GPR158: variants seen among roughly 807,000 people sequenced by gnomAD.
GPR158 encodes G protein-coupled receptor 158.
Under a neutral mutation model 78.2 loss-of-function variants are expected in GPR158, and 30 were observed. That is an observed-to-expected ratio of 0.38 (90% CI 0.29 to 0.52). The LOEUF (loss-of-function observed/expected upper bound fraction) is 0.52. Ranked by LOEUF, GPR158 falls within the 20% of genes least tolerant of loss-of-function variation. The probability of loss-of-function intolerance (pLI) is 0.83; values close to 1 mark genes in which losing one functional copy is unlikely to be tolerated. For missense variants in GPR158, 1,463 were observed against 1,523.5 expected (o/e 0.96, Z 0.66); for synonymous variants, 581 against 591.1 (o/e 0.98, Z 0.25).
chr10:25,419,889 CTGT>C (rs1447735186), intron 4 of GPR158, among the ~76,000 whole-genome samples: 1 of 152,118 alleles, frequency 6.6e-6, no homozygotes, highest in African/African-American at 2.4e-5. Context: ...GTTGTACATT[CTGT>C]GACTTTGGAC....
intron 4 of GPR158, among the ~76,000 whole-genome samples, chr10:25,448,494 G>T (rs1835170631): frequency 6.6e-6 from 1 of 152,122 alleles, no homozygotes; most frequent in Non-Finnish European, 1.5e-5. Flanking sequence ...TGAATGTTAT[G>T]TAATTTGTGC....
chr10:25,379,344 A>G (rs1042453608), intron 2 of GPR158, among the ~76,000 whole-genome samples: 1 of 152,170 alleles, frequency 6.6e-6, no homozygotes, highest in African/African-American at 2.4e-5. Flanking sequence ...CCTATCTCTG[A>G]TAAGTAACTT....
intron 2 of GPR158, among the ~76,000 whole-genome samples, chr10:25,353,467 A>G (rs1213518961): frequency 1.3e-5 from 2 of 150,194 alleles, no homozygotes; most frequent in African/African-American, 5.0e-5. Flanking sequence ...CCTAAAACTT[A>G]AAGTATAATA....
chr10:25,302,410 T>G (rs1189745468), intron 2 of GPR158, among the ~76,000 whole-genome samples: 2 of 152,088 alleles, frequency 1.3e-5, no homozygotes, highest in South Asian at 4.1e-4. Flanking sequence ...TGCTGAATAG[T>G]AATCTATTGA....
intron 2 of GPR158, among the ~76,000 whole-genome samples, chr10:25,389,899 C>A (rs1164262932): frequency 6.6e-6 from 1 of 152,176 alleles, no homozygotes; most frequent in Non-Finnish European, 1.5e-5. Flanking sequence ...CTTTAGCTCC[C>A]ATAATCCCCA....
chr10:25,386,224 A>G (rs1834219687), intron 2 of GPR158, among the ~76,000 whole-genome samples: 1 of 152,222 alleles, frequency 6.6e-6, no homozygotes, highest in African/African-American at 2.4e-5. Context: ...TCCTGTCCTC[A>G]CTGAATTGTT....
chr10:25,244,322 T>G lies in GPR158; in HGVS notation c.1008+23165T>G, dbSNP rs1035390121. ...TCCAATTCTCAAGTAATACCAGAGA[T>G]AGCCTAAGGCAGGAGCCACCTTAGG... On this transcript the variant is annotated intron_variant, in intron 2 of 10. Coordinates refer to ENST00000376351, the MANE Select transcript of GPR158 (RefSeq NM_020752.3). Among the ~76,000 whole-genome samples the G allele has an allele frequency of 2.6e-5, 4 of 152,200 alleles. 1 individual carries two copies. In the South Asian group the frequency reaches 6.2e-4, roughly 24 times the overall value.
At position 25,572,853 on chromosome 10, in the gene GPR158, C is replaced by T; in HGVS notation, c.1719C>T (p.Cys573=). 2 of 1,609,750 alleles carry T rather than the reference C, an allele frequency of 1.2e-6. No homozygotes were observed. The highest frequency in any genetic ancestry group is 1.7e-6 in the Non-Finnish European group (2 of 1,176,046). The change falls in exon 7 of 11, where the codon TGC becomes TGT. Residue 573 remains cysteine (C), a synonymous_variant. Coordinates refer to ENST00000376351, the MANE Select transcript of GPR158 (RefSeq NM_020752.3). ...KTSDHLIFNM[C]LIDRWDYMTA... ...CCGATCACCTCATCTTCAATATGTG[C>T]CTCATTGACCGCTGGGACTACATGA...
At chr10:25,380,589 A>C (rs1754251) in intron 2 of GPR158, among the ~76,000 whole-genome samples, 100,448 of 151,972 alleles carry the variant, frequency 0.66, 34,276 homozygotes, top group Non-Finnish European at 0.75. Context: ...AGTTACATTC[A>C]TCTTCAACTG....
At chr10:25,264,771 C>T (rs1854019897) in intron 2 of GPR158, among the ~76,000 whole-genome samples, 2 of 152,234 alleles carry the variant, frequency 1.3e-5, no homozygotes, top group South Asian at 4.1e-4. Context: ...CCTTCATATG[C>T]CAATATGATG....
intron 2 of GPR158, among the ~76,000 whole-genome samples, chr10:25,381,055 G>T (rs1484430811): frequency 1.3e-5 from 2 of 152,190 alleles, no homozygotes; most frequent in East Asian, 3.8e-4. Flanking sequence ...GGAAACCCCA[G>T]TTGGTAAGTC....
At chr10:25,460,181 A>C (rs976838756) in intron 4 of GPR158, among the ~76,000 whole-genome samples, 8 of 152,234 alleles carry the variant, frequency 5.3e-5, no homozygotes, top group Non-Finnish European at 1.2e-4. Context: ...TATAATACCA[A>C]ATCAGAGATT....
At chr10:25,467,463 C>T (rs922653684) in intron 5 of GPR158, among the ~76,000 whole-genome samples, 1 of 152,106 alleles carries the variant, frequency 6.6e-6, no homozygotes, top group Non-Finnish European at 1.5e-5. Flanking sequence ...CTTTGCAGGA[C>T]CATTTCAAAA....
chr10:25,484,605 A>G (rs1835707607), intron 5 of GPR158, among the ~76,000 whole-genome samples: 1 of 152,208 alleles, frequency 6.6e-6, no homozygotes, highest in Non-Finnish European at 1.5e-5. Flanking sequence ...GTCGAAAGAT[A>G]AGAAATGTTG....
chr10:25,398,379 A>T (rs971307784), intron 3 of GPR158, among the ~76,000 whole-genome samples: 3 of 152,154 alleles, frequency 2.0e-5, no homozygotes, highest in African/African-American at 7.2e-5. Context: ...CTACTCTGGC[A>T]TTTTTCACGT....
At chr10:25,391,941 T>C (rs1407636999) in intron 2 of GPR158, among the ~76,000 whole-genome samples, 1 of 152,106 alleles carries the variant, frequency 6.6e-6, no homozygotes. Flanking sequence ...TTTCCCATGC[T>C]GTTATCTTGA....
chr10:25,308,689 G>C (rs550175832), intron 2 of GPR158, among the ~76,000 whole-genome samples: 2 of 152,100 alleles, frequency 1.3e-5, no homozygotes, highest in South Asian at 2.1e-4. Context: ...CTGAAACTCT[G>C]CACCTGTTAA....
At chr10:25,554,324 A>G (rs746606267) in intron 6 of GPR158, among the ~76,000 whole-genome samples, 3 of 152,190 alleles carry the variant, frequency 2.0e-5, no homozygotes, top group African/African-American at 4.8e-5. Context: ...AATGACTGTT[A>G]TAGTCCCTTG....
chr10:25,595,889 T>G (rs962754187), intron 9 of GPR158, among the ~76,000 whole-genome samples: 3 of 152,198 alleles, frequency 2.0e-5, no homozygotes, highest in Non-Finnish European at 2.9e-5. Context: ...ATAGTATGTG[T>G]GTGAATTCTA....
Sources: allele counts gnomAD v4.1 joint callset (sites outside exome capture counted in the v4.1 genomes callset), GRCh38; gene constraint gnomAD v4.1.1; transcripts MANE v1.5; gene names NCBI Gene and HGNC (gene_info 2026-07-23, HGNC 2026-07-21).